Variants in STK3 observed in about 807,000 individuals in gnomAD.
STK3 encodes serine/threonine kinase 3.
In STK3, 41 loss-of-function variants were observed where a neutral mutation model predicts 58.0. The observed-to-expected ratio is 0.71, with a 90% CI of 0.55 to 0.92. STK3 has a LOEUF of 0.92. STK3 is among the 40% of genes least tolerant of loss of function. The probability of loss-of-function intolerance (pLI) is 0.00; values close to 1 mark genes in which losing one functional copy is unlikely to be tolerated. For missense variants in STK3, 479 were observed against 602.7 expected (o/e 0.79, Z 2.15); for synonymous variants, 170 against 191.0 (o/e 0.89, Z 0.91).
chr8:98,407,581 G>T (rs1313120395), intron 3 of STK3, among the ~76,000 whole-genome samples: 1 of 152,214 alleles, frequency 6.6e-6, no homozygotes, highest in East Asian at 1.9e-4. Flanking sequence ...AGTGGAGAGA[G>T]GGTGGGGATA....
chr8:98,693,982 T>C (rs1217886779), intron 6 of STK3, among the ~76,000 whole-genome samples: 1 of 152,246 alleles, frequency 6.6e-6, no homozygotes, highest in East Asian at 1.9e-4. Flanking sequence ...TTTGTCTCTT[T>C]TTTTAAAATC....
the STK3 span, among the ~76,000 whole-genome samples, chr8:98,355,732 G>A: frequency 6.6e-6 from 1 of 152,184 alleles, no homozygotes; most frequent in African/African-American, 2.4e-5. Flanking sequence ...ACTGCAGAAG[G>A]ACCACCAGAT....
chr8:98,563,018 A>AC (rs1008196892), intron 8 of STK3, among the ~76,000 whole-genome samples: 7 of 147,552 alleles, frequency 4.7e-5, no homozygotes. Flanking sequence ...GAATGTGGCA[A>AC]AAAAAAAAAA....
intron 10 of STK3, among the ~76,000 whole-genome samples, chr8:98,461,180 C>T (rs1819941951): frequency 1.3e-5 from 2 of 151,870 alleles, no homozygotes; most frequent in Non-Finnish European, 1.5e-5. Context: ...GAGTTAGGTG[C>T]ATATTTATTT....
At chr8:98,905,071 G>A (rs1838837128) in intron 1 of STK3, 1 of 1,173,426 alleles carries the variant, frequency 8.5e-7, no homozygotes, top group African/African-American at 1.5e-5. Flanking sequence ...TAAGGCGTGT[G>A]AACTGCTGCA....
the STK3 span, among the ~76,000 whole-genome samples, chr8:98,353,787 T>C: frequency 6.6e-6 from 1 of 152,190 alleles, no homozygotes; most frequent in Non-Finnish European, 1.5e-5. Context: ...GTAGTAGATA[T>C]AGGTATAGGT....
intron 10 of STK3, among the ~76,000 whole-genome samples, chr8:98,487,306 G>T (rs1822347208): frequency 6.6e-6 from 1 of 152,154 alleles, no homozygotes; most frequent in Admixed American, 6.5e-5. Context: ...AGGACAGAGG[G>T]GACTATGTTG....
At chr8:98,434,468 T>C (rs1437196519) in intron 2 of STK3, 14 of 152,214 alleles carry the variant, frequency 9.2e-5, no homozygotes, top group Admixed American at 9.2e-4. Context: ...TTAGGAGAAA[T>C]TTAAACTAGC....
chr8:98,744,371 C>T (rs1829480889), intron 4 of STK3, among the ~76,000 whole-genome samples: 1 of 151,818 alleles, frequency 6.6e-6, no homozygotes, highest in African/African-American at 2.4e-5. Context: ...GAAAATGTGG[C>T]ACATATATAC....
At chr8:98,552,795 T>C (rs1176534567) in intron 8 of STK3, among the ~76,000 whole-genome samples, 2 of 152,124 alleles carry the variant, frequency 1.3e-5, no homozygotes, top group Non-Finnish European at 2.9e-5. Context: ...ACACCTAGCA[T>C]ACAGTAGGTA....
chr8:98,440,929 C>A lies in STK3; in HGVS notation n.186-3721G>T, dbSNP rs370040579. ...AAGTGCCAGGTACAGAGCCCATGCT[C>A]AAAAATGAGGGTTCCCGTTGCCTTT... On this transcript the variant is annotated intron_variant and non_coding_transcript_variant, in intron 1 of 3. Coordinates refer to the STK3 transcript ENST00000517832. Among the ~76,000 whole-genome samples the A allele has an allele frequency of 3.9e-4, 59 of 152,262 alleles. No individual in the cohort carries two copies. The South Asian group carries it at 0.011, about 28-fold the overall frequency.
At chr8:98,688,045 G>GT (rs911047208) in intron 6 of STK3, among the ~76,000 whole-genome samples, 2 of 151,188 alleles carry the variant, frequency 1.3e-5, no homozygotes, top group African/African-American at 4.8e-5. Flanking sequence ...CATCTCACAA[G>GT]TAACAACACC....
At chr8:98,357,570 CT>C in the STK3 span, among the ~76,000 whole-genome samples, 1 of 152,144 alleles carries the variant, frequency 6.6e-6, no homozygotes, top group Non-Finnish European at 1.5e-5. Flanking sequence ...CATGTGTGTG[CT>C]TACTAATAAA....
At chr8:98,739,061 G>C (rs964210357) in intron 4 of STK3, among the ~76,000 whole-genome samples, 30 of 152,260 alleles carry the variant, frequency 2.0e-4, no homozygotes, top group African/African-American at 7.2e-4. Flanking sequence ...CATTGCCCAA[G>C]CTTGCTTAGG....
chr8:98,354,023 C>G, the STK3 span, among the ~76,000 whole-genome samples: 3 of 152,154 alleles, frequency 2.0e-5, no homozygotes, highest in African/African-American at 7.2e-5. Context: ...CAGGCCTGAG[C>G]CTGTGTGCCC....
At chr8:98,604,627 C>T (rs563303766) in intron 6 of STK3, among the ~76,000 whole-genome samples, 57 of 152,318 alleles carry the variant, frequency 3.7e-4, no homozygotes, top group Non-Finnish European at 7.1e-4. Flanking sequence ...TTCCATATCT[C>T]CTCTAAAATC....
chr8:98,892,289 G>A (rs376227377), intron 1 of STK3, among the ~76,000 whole-genome samples: 6 of 152,060 alleles, frequency 3.9e-5, no homozygotes, highest in African/African-American at 1.2e-4. Context: ...GGTCACCATC[G>A]ACTCCTGCCA....
chr8:98,917,175 C>T (rs1252418903), intron 1 of STK3, among the ~76,000 whole-genome samples: 1 of 152,214 alleles, frequency 6.6e-6, no homozygotes, highest in Non-Finnish European at 1.5e-5. Context: ...CAGAAATCTG[C>T]TGAAATGCAG....
In STK3 at chr8:98,428,060, G is replaced by C. The variant is rs933828984; in HGVS notation, n.483+6067C>G. Reference sequence around the variant, plus strand: ...TCCGCATCAATGTGGGCGGCTTCAAGAGGAGGCTGCGCTCGCACACGCTGC... The same window carrying C: ...TCCGCATCAATGTGGGCGGCTTCAACAGGAGGCTGCGCTCGCACACGCTGC... On this transcript the variant is annotated intron_variant and non_coding_transcript_variant, in intron 3 of 3. Transcript: ENST00000517832. The surrounding 1 kb of genome is among the most constrained non-coding windows in gnomAD (Gnocchi z 6.7). 1.9e-6 allele frequency: 3 copies of C among 1,613,080 alleles called. No homozygotes were observed. The highest frequency in any genetic ancestry group is 2.5e-6 in the Non-Finnish European group (3 of 1,179,588).
Sources: allele counts gnomAD v4.1 joint callset (sites outside exome capture counted in the v4.1 genomes callset), GRCh38; gene constraint gnomAD v4.1.1; non-coding constraint Gnocchi (gnomAD v3.1); transcripts MANE v1.5; gene names NCBI Gene and HGNC (gene_info 2026-07-23, HGNC 2026-07-21).